The following CHEK1 variants were observed in gnomAD, a reference collection of about 807,000 sequenced individuals.
CHEK1 encodes serine/threonine-protein kinase Chk1.
A neutral mutation model predicts 60.2 loss-of-function variants in CHEK1; 32 were observed. That is an observed-to-expected ratio of 0.53 (90% confidence interval 0.40 to 0.71). CHEK1 has a LOEUF of 0.71. Among genes scored for constraint, CHEK1 ranks in the 30% least tolerant of loss-of-function variants. The probability of loss-of-function intolerance (pLI) is 0.00; values close to 1 mark genes in which losing one functional copy is unlikely to be tolerated. For synonymous variants in CHEK1, 179 were observed against 187.2 expected, an observed-to-expected ratio of 0.96 and a Z score of 0.36; for missense variants, 399 against 564.6, an observed-to-expected ratio of 0.71 and a Z score of 2.97.
chr11:125,654,060 G>A (rs1174465856), intron 12 of CHEK1, among the ~76,000 whole-genome samples: 1 of 152,054 alleles, frequency 6.6e-6, no homozygotes, highest in Non-Finnish European at 1.5e-5. Flanking sequence ...GCCAGGCGTG[G>A]TGGCTCATGC....
At chr11:125,662,101 T>A (rs1250155272), downstream of CHEK1, among the ~76,000 whole-genome samples, 1 of 152,260 alleles carries the variant, frequency 6.6e-6, no homozygotes, top group Admixed American at 6.5e-5. Context: ...TTTGTCATTA[T>A]AAGAATGGTA....
downstream of CHEK1, among the ~76,000 whole-genome samples, chr11:125,678,978 T>TTATATATGTATATATATATATATATA (rs1942655109): frequency 1.1e-5 from 1 of 88,436 alleles, no homozygotes; most frequent in African/African-American, 4.3e-5. Context: ...TCTAGGCATA[T>TTATATATGTATATATATATATATATA]TATATATATA....
chr11:125,628,885 G>A (rs1940739638), intron 3 of CHEK1, among the ~76,000 whole-genome samples: 1 of 152,166 alleles, frequency 6.6e-6, no homozygotes, highest in Non-Finnish European at 1.5e-5. Context: ...TCAGGAATGA[G>A]AAAAATAATT....
intron 5 of CHEK1, among the ~76,000 whole-genome samples, chr11:125,632,254 A>G (rs3731406): frequency 6.6e-6 from 1 of 152,182 alleles, no homozygotes; most frequent in Non-Finnish European, 1.5e-5. Context: ...TAATATTGCT[A>G]TGAATATTCT....
At chr11:125,670,309 A>G (rs896634364) in intron 13 of CHEK1, among the ~76,000 whole-genome samples, 1 of 152,092 alleles carries the variant, frequency 6.6e-6, no homozygotes, top group Non-Finnish European at 1.5e-5. Context: ...ACTTTGTTCC[A>G]GTATCTGTGA....
At chr11:125,650,013 A>G (rs773872891) in intron 11 of CHEK1, 1 of 151,984 alleles carries the variant, frequency 6.6e-6, no homozygotes. Flanking sequence ...TCTGTTGACC[A>G]CAGTTTGACT....
At chr11:125,655,188 G>T in intron 12 of CHEK1, 37 bp from the exon 13 acceptor site, 1 of 1,520,466 alleles carries the variant, frequency 6.6e-7, no homozygotes, top group South Asian at 1.2e-5. Flanking sequence ...TTTTGTTTTT[G>T]TTTTGACATA....
intron 8 of CHEK1, 200 bp from the exon 9 acceptor site, chr11:125,643,592 A>G (rs1402871625): frequency 3.4e-5 from 18 of 535,790 alleles, no homozygotes; most frequent in African/African-American, 2.7e-4. Flanking sequence ...AATTTGACAA[A>G]TGAGTTTTAG....
chr11:125,628,916 T>G (rs1940742005), intron 3 of CHEK1, among the ~76,000 whole-genome samples: 1 of 152,108 alleles, frequency 6.6e-6, no homozygotes, highest in South Asian at 2.1e-4. Flanking sequence ...TTAGAAGAAA[T>G]GGGGGGAATT....
Position 125,653,762 on chromosome 11 carries a change from C to A in CHEK1, c.1250C>A (p.Thr417Asn), listed in dbSNP as rs778444034. The change falls in exon 12 of 13, where the codon ACT (threonine) becomes AAT (asparagine). Residue 417 changes from threonine to asparagine, a missense_variant. Thr to Asn is a moderately conservative substitution (Grantham distance 65). This residue lies in a region of CHEK1 where 29 missense variants were observed against 69.8 expected (regional missense o/e 0.42). Transcript: ENST00000438015. The surrounding 1 kb of genome is among the most constrained non-coding windows in gnomAD (Gnocchi z 4.3). ...SCMNQVTIST[T>N]DRRNNKLIFK... The stretch of plus-strand genomic sequence containing the variant: ...TTGCCTTAGGTTACTATATCAACAA[C>A]TGATAGGAGAAACAATAAACTCATT... 22 of 1,582,476 alleles carry A rather than the reference C, an allele frequency of 1.4e-5. No homozygotes were observed. In the South Asian group the frequency reaches 2.5e-4, roughly 18 times the overall value.
At chr11:125,650,932 C>T (rs546224362) in intron 11 of CHEK1, among the ~76,000 whole-genome samples, 3 of 152,134 alleles carry the variant, frequency 2.0e-5, no homozygotes, top group Admixed American at 1.3e-4. Context: ...AAGTTTACAA[C>T]GTTGCTTCAG....
chr11:125,661,003 T>A (rs1225878476), downstream of CHEK1, among the ~76,000 whole-genome samples: 2 of 152,178 alleles, frequency 1.3e-5, no homozygotes, highest in Non-Finnish European at 2.9e-5. Context: ...CTCAAACTCC[T>A]GACCTCAGGT....
At chr11:125,668,268 G>A (rs906356507) in intron 13 of CHEK1, among the ~76,000 whole-genome samples, 3 of 152,118 alleles carry the variant, frequency 2.0e-5, no homozygotes, top group Non-Finnish European at 2.9e-5. Flanking sequence ...ATTTGGAATA[G>A]TTCCTCGATG....
chr11:125,657,921 A>T (rs1300377658), downstream of CHEK1, among the ~76,000 whole-genome samples: 1 of 152,246 alleles, frequency 6.6e-6, no homozygotes, highest in Non-Finnish European at 1.5e-5. Context: ...TAGTGTTTCC[A>T]TAGGAGAAAA....
intron 5 of CHEK1, among the ~76,000 whole-genome samples, chr11:125,632,397 T>C (rs1443326052): frequency 6.6e-6 from 1 of 152,240 alleles, no homozygotes; most frequent in Non-Finnish European, 1.5e-5. Context: ...TTCTAACTCT[T>C]AAGACTGGGT....
At chr11:125,643,524 A>G in intron 8 of CHEK1, 1 of 302,620 alleles carries the variant, frequency 3.3e-6, no homozygotes, top group Non-Finnish European at 6.1e-6. Flanking sequence ...TTGTGGTCTG[A>G]GCATACTCCA....
At chr11:125,642,469 A>T (rs557567720) in intron 8 of CHEK1, among the ~76,000 whole-genome samples, 319 of 152,318 alleles carry the variant, frequency 2.1e-3, no homozygotes, top group South Asian at 6.4e-3. Flanking sequence ...TGATACCTAG[A>T]ATAATGCCTG....
At chr11:125,638,534 C>T (rs996627727) in intron 8 of CHEK1, among the ~76,000 whole-genome samples, 2 of 152,172 alleles carry the variant, frequency 1.3e-5, no homozygotes, top group African/African-American at 4.8e-5. Flanking sequence ...ATTCACTCTT[C>T]TTTAATACCT....
chr11:125,661,336 G>A (rs12418149), downstream of CHEK1, among the ~76,000 whole-genome samples: 16,338 of 151,464 alleles, frequency 0.11, 1,172 homozygotes, highest in Admixed American at 0.23. Flanking sequence ...TTTTGAGACA[G>A]GGTCTCACTC....
Sources: allele counts gnomAD v4.1 joint callset (sites outside exome capture counted in the v4.1 genomes callset), GRCh38; gene constraint gnomAD v4.1.1; regional missense constraint gnomAD v4.1.1; non-coding constraint Gnocchi (gnomAD v3.1); transcripts MANE v1.5; gene names NCBI Gene and HGNC (gene_info 2026-07-23, HGNC 2026-07-21).